Variants in LCOR observed in about 807,000 individuals in gnomAD.
The protein encoded by LCOR is ligand dependent nuclear receptor corepressor.
LCOR carries 14 observed loss-of-function variants against 64.4 expected under a neutral mutation model. The observed-to-expected ratio is 0.22, with a 90% CI of 0.14 to 0.34. The LOEUF is 0.34. Among genes scored for constraint, LCOR ranks in the 10% least tolerant of loss-of-function variants. The pLI, the probability that LCOR is intolerant of heterozygous loss-of-function variation, is 1.00. For synonymous variants in LCOR, 643 were observed against 642.5 expected (o/e 1.00, Z -0.01); for missense variants, 1,686 against 1,765.3 (o/e 0.96, Z 0.80).
chr10:96,969,572 T>G (rs1452395316), intron 7 of LCOR, among the ~76,000 whole-genome samples: 3 of 152,274 alleles, frequency 2.0e-5, no homozygotes, highest in Non-Finnish European at 2.9e-5. Flanking sequence ...TAGTAGAGTT[T>G]GAACAATGAT....
In LCOR at chr10:96,981,109, C is replaced by T. The variant is rs944597682; in HGVS notation, c.649C>T (p.His217Tyr). The stretch of plus-strand genomic sequence containing the variant: ...CTCGTCAGACTCTCACAGCCCTCTA[C>T]ACTTGACGGAACAGACCCCGAAGAA... Reference protein sequence around the residue: ...VDSSDSHSPLHLTEQTPKKPP... With the variant: ...VDSSDSHSPLYLTEQTPKKPP... The change falls in exon 8 of 8, where the codon CAC (histidine) becomes TAC (tyrosine). Residue 217 changes from histidine to tyrosine, a missense_variant. By Grantham distance (83) the His-to-Tyr change is moderately conservative (BLOSUM62 2). Transcript: ENST00000421806. 4.3e-6 allele frequency: 3 copies of T among 703,320 alleles called. No individual in the cohort carries two copies. Among genetic ancestry groups the T allele is most frequent in the Non-Finnish European group, 5.2e-6 (2 of 385,258 alleles). 43.6% of individuals were successfully genotyped at this position (703,320 alleles called of 1,614,324 possible). A position where few individuals can be genotyped will look rare whatever the true frequency, so the allele number is the denominator to read the frequency against.
At chr10:96,939,252 A>G (rs1847405419) in intron 4 of LCOR, among the ~76,000 whole-genome samples, 1 of 152,266 alleles carries the variant, frequency 6.6e-6, no homozygotes, top group East Asian at 1.9e-4. Flanking sequence ...TCGTTGGGGG[A>G]AAGAATTGTT....
intron 4 of LCOR, among the ~76,000 whole-genome samples, chr10:96,938,349 C>G (rs1564631598): frequency 6.6e-6 from 1 of 151,890 alleles, no homozygotes; most frequent in Non-Finnish European, 1.5e-5. Flanking sequence ...GGCATTTGGC[C>G]AAATCCAACA....
rs796918776 is a variant in LCOR at position 96,994,683 on chromosome 10, G to C, written c.*9549G>C. On this transcript the variant is annotated 3_prime_UTR_variant, in exon 8 of 8. Coordinates refer to ENST00000421806, the MANE Select transcript of LCOR (RefSeq NM_001346516.2). ...ACTACTTCTTGTGGTGGTAGGGGGT[G>C]GGGGGAATGGGGCATTGTAGATTAT... The C allele has an allele frequency of 6.6e-6, 1 of 152,040 alleles. No homozygotes were observed. Among genetic ancestry groups the C allele is most frequent in the Non-Finnish European group, 1.5e-5 (1 of 68,018 alleles). 9.4% of individuals were successfully genotyped at this position (152,040 alleles called of 1,614,324 possible).
chr10:96,950,090 T>C (rs1378080086), intron 6 of LCOR, among the ~76,000 whole-genome samples: 1 of 152,170 alleles, frequency 6.6e-6, no homozygotes, highest in Non-Finnish European at 1.5e-5. Flanking sequence ...CCACTACGAA[T>C]TGTAAATTGG....
intron 7 of LCOR, among the ~76,000 whole-genome samples, chr10:96,967,797 T>C (rs569601101): frequency 1.3e-5 from 2 of 152,362 alleles, no homozygotes; most frequent in African/African-American, 4.8e-5. Context: ...TGTGATACTT[T>C]TGCAAATATT....
intron 4 of LCOR, among the ~76,000 whole-genome samples, chr10:96,935,732 G>A (rs572589074): frequency 3.3e-5 from 5 of 152,346 alleles, no homozygotes; most frequent in African/African-American, 1.2e-4. Context: ...CACTTGGGAG[G>A]CTGAGGCAGG....
intron 2 of LCOR, among the ~76,000 whole-genome samples, chr10:96,845,560 G>A (rs534188443): frequency 6.5e-5 from 9 of 138,156 alleles, no homozygotes; most frequent in African/African-American, 2.2e-4. Flanking sequence ...TCTGCCCCCC[G>A]GGGTTCATGC....
intron 7 of LCOR, among the ~76,000 whole-genome samples, chr10:96,978,301 GA>G (rs1204890656): frequency 6.6e-6 from 1 of 152,186 alleles, no homozygotes; most frequent in East Asian, 1.9e-4. Context: ...TGTTCCAAAG[GA>G]AGAAGATAAT....
intron 2 of LCOR, among the ~76,000 whole-genome samples, chr10:96,897,100 G>GAAAAAAAAAAAAAAAAA (rs1564618729): frequency 1.3e-5 from 1 of 78,574 alleles, no homozygotes. Context: ...AGAAAGAAAA[G>GAAAAAAAAAAAAAAAAA]CAAAAAAAAA....
At chr10:96,920,936 C>A (rs1847070317) in intron 4 of LCOR, among the ~76,000 whole-genome samples, 1 of 151,786 alleles carries the variant, frequency 6.6e-6, no homozygotes, top group Non-Finnish European at 1.5e-5. Context: ...CAGCTGAGAC[C>A]ACAGGCACTT....
rs1848079545 is a variant in LCOR at position 96,981,020 on chromosome 10, A to G, written c.560A>G (p.His187Arg). The G allele has an allele frequency of 1.4e-6, 1 of 703,024 alleles. No individual in the cohort carries two copies. The highest frequency in any genetic ancestry group is 2.6e-6 in the Non-Finnish European group (1 of 385,000). 43.5% of individuals were successfully genotyped at this position (703,024 alleles called of 1,614,324 possible). A position where few individuals can be genotyped will look rare whatever the true frequency, so the allele number is the denominator to read the frequency against. The part of the protein sequence containing the change: ...NAGCAQLSTK[H>R]KEKDALCLDM... ...GGCTGTGCCCAGCTCAGCACCAAAC[A>G]TAAGGAAAAAGATGCTCTGTGTCTC... Residue 187 changes from histidine to arginine, a missense_variant, in exon 8 of 8, where the codon CAT (histidine) becomes CGT (arginine). Physicochemically the swap from His to Arg is conservative, Grantham distance 29. Coordinates refer to ENST00000421806, the MANE Select transcript of LCOR (RefSeq NM_001346516.2).
At chr10:96,962,200 C>G (rs1272353493) in intron 7 of LCOR, 1 of 151,996 alleles carries the variant, frequency 6.6e-6, no homozygotes, top group African/African-American at 2.4e-5. Flanking sequence ...CTCATTTTCT[C>G]TTGTTAAGCA....
intron 2 of LCOR, among the ~76,000 whole-genome samples, chr10:96,862,034 A>G (rs1471626761): frequency 6.6e-6 from 1 of 152,222 alleles, no homozygotes; most frequent in Non-Finnish European, 1.5e-5. Context: ...TTGCTAGAGT[A>G]GCCCACAAAA....
chr10:96,897,925 A>G (rs1049226066), intron 2 of LCOR, among the ~76,000 whole-genome samples: 2 of 43,516 alleles, frequency 4.6e-5, no homozygotes, highest in South Asian at 5.0e-4. Context: ...TTTTATTTCT[A>G]TTTTTTCAAG....
At chr10:96,854,609 G>C (rs1181316877) in intron 2 of LCOR, among the ~76,000 whole-genome samples, 1 of 152,196 alleles carries the variant, frequency 6.6e-6, no homozygotes, top group Non-Finnish European at 1.5e-5. Flanking sequence ...TTACAGGCTT[G>C]AGCCACCGTG....
chr10:96,901,175 A>G (rs1230635614), intron 2 of LCOR, among the ~76,000 whole-genome samples: 3 of 150,738 alleles, frequency 2.0e-5, no homozygotes, highest in Non-Finnish European at 4.4e-5. Context: ...GGCGACAGAG[A>G]CTCCGTCTCA....
At chr10:96,866,643 C>T (rs1461152173) in intron 2 of LCOR, among the ~76,000 whole-genome samples, 1 of 152,128 alleles carries the variant, frequency 6.6e-6, no homozygotes, top group Non-Finnish European at 1.5e-5. Context: ...TGCAATGGCC[C>T]GATTTCGGCT....
chr10:96,929,648 A>G (rs1205976171), intron 4 of LCOR, among the ~76,000 whole-genome samples: 1 of 152,204 alleles, frequency 6.6e-6, no homozygotes, highest in African/African-American at 2.4e-5. Flanking sequence ...TTTCCTTAAG[A>G]ACTTTTTCCT....
Sources: gnomAD v4.1 joint callset for allele counts (sites outside exome capture counted in the v4.1 genomes callset) on GRCh38, gnomAD v4.1.1 for gene constraint, MANE v1.5 for transcripts, NCBI Gene and HGNC (gene_info 2026-07-23, HGNC 2026-07-21) for gene names.